POLR3E: variants seen among roughly 807,000 people sequenced by gnomAD.
POLR3E encodes the protein RNA polymerase III subunit E.
POLR3E carries 41 observed loss-of-function variants against 96.6 expected under a neutral mutation model. That is an observed-to-expected ratio of 0.42 (90% CI 0.33 to 0.55). The LOEUF is 0.55. Among genes scored for constraint, POLR3E ranks in the 20% least tolerant of loss-of-function variants. The pLI is 0.06. For missense variants in POLR3E, 849 were observed against 952.1 expected (o/e 0.89, Z 1.43); for synonymous variants, 396 against 383.6 (o/e 1.03, Z -0.38).
Position 22,308,461 on chromosome 16 carries a change from G to A in POLR3E, c.165+236G>A, listed in dbSNP as rs1486515085. The A allele has an allele frequency of 8.9e-5, 49 of 549,810 alleles. No homozygotes were observed. In the East Asian group the frequency reaches 1.5e-3, roughly 17 times the overall value. The allele number at this position is 549,810 out of a possible 1,614,324, so 34.1% of individuals were successfully genotyped here. ...AGAATGGGGCCAGATGTGAGCTTAGGTTCCCAGGATAAGACGAGGGCGGGC... is the reference window on the plus strand; with the variant it reads ...AGAATGGGGCCAGATGTGAGCTTAGATTCCCAGGATAAGACGAGGGCGGGC... On this transcript the variant is annotated intron_variant, in intron 4 of 20. Coordinates refer to ENST00000299853, the MANE Select transcript of POLR3E (RefSeq NM_018119.4).
At chr16:22,330,115 T>C (rs2048705718) in intron 19 of POLR3E, among the ~76,000 whole-genome samples, 1 of 151,990 alleles carries the variant, frequency 6.6e-6, no homozygotes, top group African/African-American at 2.4e-5. Flanking sequence ...CTCTGTCATC[T>C]AGGCCTGGAG....
intron 12 of POLR3E, among the ~76,000 whole-genome samples, chr16:22,317,659 GTTGTTGTTT>G (rs750812669): frequency 1.3e-5 from 2 of 149,266 alleles, no homozygotes; most frequent in African/African-American, 2.5e-5. Flanking sequence ...TGTTGTTGTT[GTTGTTGTTT>G]TTTTTTTTAA....
In POLR3E at chr16:22,318,251, G is replaced by A. The variant is rs1361712457; in HGVS notation, c.866-575G>A. ...TGGGACTACAGGTGCCCGCCATCAC[G>A]CCCAGCTAATTTTTGTATTTTTAGT... On this transcript the variant is annotated intron_variant, in intron 12 of 20. Coordinates refer to ENST00000299853, the MANE Select transcript of POLR3E (RefSeq NM_018119.4). The surrounding 1 kb of genome is among the most constrained non-coding windows in gnomAD (Gnocchi z 5.0). Among the ~76,000 whole-genome samples the A allele has an allele frequency of 6.6e-6, 1 of 152,070 alleles. No homozygotes were observed. Among genetic ancestry groups the A allele is most frequent in the African/African-American group, 2.4e-5 (1 of 41,428 alleles).
At chr16:22,308,327 G>T in intron 4 of POLR3E, 102 bp downstream of exon 4, 1 of 909,256 alleles carries the variant, frequency 1.1e-6, no homozygotes, top group South Asian at 1.3e-5. Context: ...TGGAGAAGTA[G>T]GAGAACCAGC....
intron 1 of POLR3E, among the ~76,000 whole-genome samples, chr16:22,300,195 A>G (rs2047993749): frequency 6.6e-6 from 1 of 152,232 alleles, no homozygotes; most frequent in South Asian, 2.1e-4. Context: ...AGAAAACATC[A>G]CGGCCTGACA....
At chr16:22,324,738 T>A (rs2048543309) in intron 16 of POLR3E, 78 bp downstream of exon 16, 3 of 1,477,894 alleles carry the variant, frequency 2.0e-6, no homozygotes, top group Non-Finnish European at 2.8e-6. Flanking sequence ...TCAGGGTGGA[T>A]CCGAGCAATC....
chr16:22,317,070 T>A (rs1165700279), intron 11 of POLR3E, 31 bp downstream of exon 11: 6 of 1,613,874 alleles, frequency 3.7e-6, no homozygotes, highest in Admixed American at 1.7e-5. Flanking sequence ...ACCCTCTCCC[T>A]TTCCGGGCTG....
In POLR3E at chr16:22,333,870, G is replaced by GGGCA; in HGVS notation, c.*170_*171insGGCA. ...CAGAAGGGATTATCCTCAGCCAGTC[G>GGGCA]CAGGGTCAGCTTAAGTTAGTTAGAT... On this transcript the variant is annotated 3_prime_UTR_variant, in exon 21 of 21. Coordinates refer to ENST00000299853, the MANE Select transcript of POLR3E (RefSeq NM_018119.4). The GGGCA allele has an allele frequency of 1.8e-6, 1 of 557,258 alleles. No homozygotes were observed. The highest frequency in any genetic ancestry group is 2.6e-5 in the South Asian group (1 of 38,412). 34.5% of individuals were successfully genotyped at this position (557,258 alleles called of 1,614,324 possible).
At position 22,314,243 on chromosome 16, in the gene POLR3E, G is replaced by A. The variant is rs1346805548; in HGVS notation, c.522+115G>A. The stretch of plus-strand genomic sequence containing the variant: ...TGGAGCAGACAGGGCCCATGCTTTT[G>A]AGCCTTCTTGCTGGGCTACCTGGAG... On this transcript the variant is annotated intron_variant, in intron 8 of 20. Transcript: ENST00000299853. 4 of 807,908 alleles carry A rather than the reference G, an allele frequency of 5.0e-6. No individual in the cohort carries two copies. The African/African-American group carries it at 6.8e-5, about 14-fold the overall frequency. 50.0% of individuals were successfully genotyped at this position (807,908 alleles called of 1,614,324 possible). A position where few individuals can be genotyped will look rare whatever the true frequency, so the allele number is the denominator to read the frequency against.
rs569045746 is a variant in POLR3E at position 22,324,052 on chromosome 16, G to A, written c.1069-302G>A. Among the ~76,000 whole-genome samples, 235 of 151,514 alleles carry A rather than the reference G, an allele frequency of 1.6e-3. 4 individuals are homozygous for A. The South Asian group carries it at 0.044, about 28-fold the overall frequency. On this transcript the variant is annotated intron_variant, in intron 14 of 20. Transcript: ENST00000299853. ...TGTCTGTGGGAGCCCCTCCCAGCCC[G>A]AGTCCTCATCGTATCCTCGGAGCTG... is the stretch of plus-strand genomic sequence containing the variant.
At chr16:22,319,367 C>T (rs550349096) in intron 13 of POLR3E, among the ~76,000 whole-genome samples, 25 of 152,062 alleles carry the variant, frequency 1.6e-4, no homozygotes, top group Non-Finnish European at 3.4e-4. Context: ...TTCTATTTGT[C>T]CTGCCTACAT....
chr16:22,334,253 G>A lies in POLR3E; in HGVS notation c.*553G>A, dbSNP rs1288555704. 1 of 152,256 alleles carries A rather than the reference G, an allele frequency of 6.6e-6. No individual in the cohort carries two copies. The highest frequency in any genetic ancestry group is 6.5e-5 in the Admixed American group (1 of 15,280). 9.4% of individuals were successfully genotyped at this position (152,256 alleles called of 1,614,324 possible). Reference sequence around the variant, plus strand: ...CACCTTTGACAACAACCTACTTTATGTAGCAGTCTCAACTGTTTACATGAA... The same window carrying A: ...CACCTTTGACAACAACCTACTTTATATAGCAGTCTCAACTGTTTACATGAA... On this transcript the variant is annotated 3_prime_UTR_variant, in exon 21 of 21. Coordinates refer to ENST00000299853, the MANE Select transcript of POLR3E (RefSeq NM_018119.4).
chr16:22,312,873 C>CAAAAAAAAA (rs1167609047), intron 6 of POLR3E, among the ~76,000 whole-genome samples: 1 of 30,402 alleles, frequency 3.3e-5, no homozygotes, highest in African/African-American at 1.1e-4. Context: ...CACTCCATCT[C>CAAAAAAAAA]AAAAAAAAAA....
At chr16:22,299,893 G>A (rs1479244881) in intron 1 of POLR3E, among the ~76,000 whole-genome samples, 3 of 128,806 alleles carry the variant, frequency 2.3e-5, no homozygotes, top group South Asian at 2.3e-4. Context: ...AAGAGAGACC[G>A]GGGGGCGGGG....
At chr16:22,315,031 G>T in intron 8 of POLR3E, 58 bp from the exon 9 acceptor site, 1 of 1,585,458 alleles carries the variant, frequency 6.3e-7, no homozygotes, top group Non-Finnish European at 8.6e-7. Context: ...GGGCTGAGAC[G>T]GCAGTCCAGC....
At chr16:22,301,601 A>C (rs1298715301) in intron 1 of POLR3E, among the ~76,000 whole-genome samples, 1 of 151,274 alleles carries the variant, frequency 6.6e-6, no homozygotes, top group East Asian at 2.0e-4. Flanking sequence ...AATATTAGAT[A>C]GTTCAAATGT....
intron 1 of POLR3E, among the ~76,000 whole-genome samples, chr16:22,300,227 T>TA (rs1244751467): frequency 1.3e-5 from 2 of 152,230 alleles, no homozygotes; most frequent in Non-Finnish European, 2.9e-5. Flanking sequence ...CAGTTATAGT[T>TA]ACGTGAAACC....
chr16:22,321,730 G>T (rs1276207566), intron 13 of POLR3E, among the ~76,000 whole-genome samples: 1 of 152,208 alleles, frequency 6.6e-6, no homozygotes, highest in Non-Finnish European at 1.5e-5. Flanking sequence ...TCCCCTGGAG[G>T]TGCTGCCCCT....
At chr16:22,332,962 AC>A (rs1219896169) in intron 20 of POLR3E, among the ~76,000 whole-genome samples, 1 of 95,748 alleles carries the variant, frequency 1.0e-5, no homozygotes, top group Non-Finnish European at 2.1e-5. Context: ...TATTTCGTAG[AC>A]CCCCTTTTTT....
Sources: gnomAD v4.1 joint callset for allele counts (sites outside exome capture counted in the v4.1 genomes callset) on GRCh38, gnomAD v4.1.1 for gene constraint, Gnocchi (gnomAD v3.1) non-coding constraint, MANE v1.5 for transcripts, NCBI Gene and HGNC (gene_info 2026-07-23, HGNC 2026-07-21) for gene names.